Variants in ALPK2 observed in about 807,000 individuals in gnomAD.
ALPK2 encodes the protein alpha-protein kinase 2.
ALPK2 carries 127 observed loss-of-function variants against 163.1 expected under a neutral mutation model. That is an observed-to-expected ratio of 0.78 (90% confidence interval 0.67 to 0.90). The LOEUF is 0.90. ALPK2 is among the 40% of genes least tolerant of loss of function. The pLI is 0.00. For missense variants in ALPK2, 2,360 were observed against 2,589.6 expected (o/e 0.91, Z 1.92); for synonymous variants, 953 against 959.1 (o/e 0.99, Z 0.12).
At position 58,499,755 on chromosome 18, in the gene ALPK2, G is replaced by A. The variant is rs1018969035; in HGVS notation, c.6248-1658C>T. Among the ~76,000 whole-genome samples the A allele has an allele frequency of 2.0e-5, 3 of 152,250 alleles. No homozygotes were observed. The South Asian group carries it at 6.2e-4, about 31-fold the overall frequency. On this transcript the variant is annotated intron_variant, in intron 11 of 12. Transcript: ENST00000361673. ...CCTCTTGGGCTCCATGGGCCGGGCT[G>A]TGAGCACTGGCATTCCCCACCTCCA...
chr18:58,596,218 C>T (rs1233604485), intron 3 of ALPK2, among the ~76,000 whole-genome samples: 1 of 152,206 alleles, frequency 6.6e-6, no homozygotes, highest in Non-Finnish European at 1.5e-5. Context: ...AGGGAAGAAG[C>T]CCGTCACAAG....
chr18:58,607,836 A>G lies in ALPK2; in HGVS notation c.110-397T>C, dbSNP rs1445661458. Among the ~76,000 whole-genome samples the G allele has an allele frequency of 3.3e-5, 5 of 152,218 alleles. No individual in the cohort carries two copies. The East Asian group carries it at 7.7e-4, about 23-fold the overall frequency. On this transcript the variant is annotated intron_variant, in intron 2 of 12. Coordinates refer to ENST00000361673, the MANE Select transcript of ALPK2 (RefSeq NM_052947.4). ...TGGGTCATATACTTTGTTTCACTCA[A>G]TGATAACTACTGATTTAAAGTGAAG...
chr18:58,582,734 T>C (rs1385418241), intron 3 of ALPK2, among the ~76,000 whole-genome samples: 1 of 152,074 alleles, frequency 6.6e-6, no homozygotes, highest in Admixed American at 6.6e-5. Flanking sequence ...AGGCAAAGCA[T>C]AAATCAATAC....
chr18:58,502,722 C>T (rs2051439104), intron 11 of ALPK2, among the ~76,000 whole-genome samples: 1 of 152,262 alleles, frequency 6.6e-6, no homozygotes, highest in Admixed American at 6.5e-5. Flanking sequence ...ACACCCCAAC[C>T]ACTTCTGTGC....
At chr18:58,517,301 AG>A (rs2051527547) in intron 8 of ALPK2, 119 bp from the exon 9 acceptor site, 1 of 1,031,874 alleles carries the variant, frequency 9.7e-7, no homozygotes, top group African/African-American at 1.6e-5. Context: ...CAGAACCAAG[AG>A]GGGGCAGACA....
At chr18:58,619,284 T>G (rs1199402157) in intron 1 of ALPK2, among the ~76,000 whole-genome samples, 2 of 150,096 alleles carry the variant, frequency 1.3e-5, no homozygotes, top group Non-Finnish European at 2.9e-5. Context: ...CTTTGCTATT[T>G]CCCAGCTAAT....
intron 1 of ALPK2, among the ~76,000 whole-genome samples, chr18:58,612,189 G>T (rs2052136332): frequency 1.3e-5 from 2 of 152,154 alleles, no homozygotes; most frequent in Admixed American, 1.3e-4. Context: ...AGACCCCAGA[G>T]CACCCAGAGT....
chr18:58,491,047 G>C (rs1361453116), intron 12 of ALPK2, among the ~76,000 whole-genome samples: 6 of 152,232 alleles, frequency 3.9e-5, no homozygotes, highest in African/African-American at 1.4e-4. Context: ...TTCGCCCACT[G>C]TCCTAAGCCC....
At position 58,549,966 on chromosome 18, in the gene ALPK2, C is replaced by G. The variant is rs150979420; in HGVS notation, c.1963-11742G>C. On this transcript the variant is annotated intron_variant, in intron 4 of 12. Transcript: ENST00000361673. ...ACGTGGAGTCAGGACCTACGTGCCC[C>G]TCTCACCCTGACTCTGTCTCCGTCA... Among the ~76,000 whole-genome samples, 874 of 152,180 alleles carry G rather than the reference C, an allele frequency of 5.7e-3. 1 individual carries two copies. Among genetic ancestry groups the G allele is most frequent in the Non-Finnish European group, 9.7e-3 (656 of 67,976 alleles).
chr18:58,551,868 G>A (rs2051761804), intron 4 of ALPK2, among the ~76,000 whole-genome samples: 2 of 152,188 alleles, frequency 1.3e-5, no homozygotes, highest in Admixed American at 1.3e-4. Flanking sequence ...AGCCACTTCA[G>A]AATGTTCTGA....
At chr18:58,524,127 A>C in intron 6 of ALPK2, 65 bp from the exon 7 acceptor site, 1 of 1,548,314 alleles carries the variant, frequency 6.5e-7, no homozygotes, top group Non-Finnish European at 8.7e-7. Flanking sequence ...TTCCTAATAT[A>C]CTTAAGGAGA....
chr18:58,502,098 C>T (rs532024405), intron 11 of ALPK2, among the ~76,000 whole-genome samples: 7 of 144,472 alleles, frequency 4.8e-5, no homozygotes, highest in Admixed American at 4.3e-4. Flanking sequence ...TCCAGGAGTT[C>T]AAGACCAGCC....
Position 58,535,969 on chromosome 18 carries a change from A to G in ALPK2, c.4218T>C (p.Ile1406=). 6.2e-7 allele frequency: 1 copy of G among 1,614,170 alleles called. No homozygotes were observed. Among genetic ancestry groups the G allele is most frequent in the Non-Finnish European group, 8.5e-7 (1 of 1,180,018 alleles). ...PKILESSVDP[I]DEISVIEYTR... ...TGTACTCTATCACACTTATCTCATC[A>G]ATGGGATCTACAGAGGACTCTAGGA... Residue 1406 remains isoleucine (I), a synonymous_variant, in exon 5 of 13, where the codon ATT becomes ATC. Transcript: ENST00000361673.
chr18:58,613,202 C>T (rs1233421799), intron 1 of ALPK2, among the ~76,000 whole-genome samples: 4 of 152,122 alleles, frequency 2.6e-5, no homozygotes, highest in Non-Finnish European at 5.9e-5. Context: ...CTCACCAACA[C>T]CTAAAAAATC....
At chr18:58,563,033 G>A (rs1335466380) in intron 4 of ALPK2, among the ~76,000 whole-genome samples, 1 of 152,322 alleles carries the variant, frequency 6.6e-6, no homozygotes, top group East Asian at 1.9e-4. Flanking sequence ...TTAGCCCATA[G>A]CACCTTAGGA....
At chr18:58,603,534 G>A (rs140237534) in intron 3 of ALPK2, among the ~76,000 whole-genome samples, 55 of 152,252 alleles carry the variant, frequency 3.6e-4, no homozygotes, top group Non-Finnish European at 5.4e-4. Flanking sequence ...TGCTTCCTCC[G>A]CCCCCTTCCC....
intron 4 of ALPK2, among the ~76,000 whole-genome samples, chr18:58,570,978 C>G (rs938309385): frequency 1.3e-5 from 2 of 152,144 alleles, no homozygotes; most frequent in African/African-American, 4.8e-5. Context: ...AGAAAGTGAC[C>G]AGAAGCTTTC....
chr18:58,603,789 T>A (rs946464695), intron 3 of ALPK2, among the ~76,000 whole-genome samples: 1 of 151,542 alleles, frequency 6.6e-6, no homozygotes, highest in African/African-American at 2.4e-5. Flanking sequence ...TCCTCCCCAC[T>A]CCCCAACTCC....
intron 12 of ALPK2, among the ~76,000 whole-genome samples, chr18:58,484,610 G>A (rs2051329147): frequency 1.3e-5 from 2 of 152,138 alleles, no homozygotes; most frequent in Non-Finnish European, 2.9e-5. Context: ...TGGGTGTGGT[G>A]GCATGCGCCT....
Sources: allele counts gnomAD v4.1 joint callset (sites outside exome capture counted in the v4.1 genomes callset), GRCh38; gene constraint gnomAD v4.1.1; transcripts MANE v1.5; gene names NCBI Gene and HGNC (gene_info 2026-07-23, HGNC 2026-07-21).